The following MCM3AP variants were observed in gnomAD, a reference collection of about 807,000 sequenced individuals.
The protein encoded by MCM3AP is germinal-center associated nuclear protein.
MCM3AP carries 126 observed loss-of-function variants against 184.1 expected under a neutral mutation model. That is an observed-to-expected ratio of 0.68 (90% CI 0.59 to 0.79). The LOEUF is 0.79. Among genes scored for constraint, MCM3AP ranks in the 30% least tolerant of loss-of-function variants. The pLI is 0.00. For missense variants in MCM3AP, 2,496 were observed against 2,479.2 expected (o/e 1.01, Z -0.14); for synonymous variants, 1,002 against 979.3 (o/e 1.02, Z -0.43).
rs1375876768 is a variant in MCM3AP, at chr21:46,240,914, T to A, written c.5530A>T (p.Arg1844Trp). 1 of 1,614,142 alleles carries A rather than the reference T, an allele frequency of 6.2e-7. No homozygotes were observed. Among genetic ancestry groups the A allele is most frequent in the East Asian group, 2.2e-5 (1 of 44,892 alleles). Residue 1844 changes from arginine (R) to tryptophan (W), a missense_variant, in exon 26 of 28, where the codon AGG (arginine) becomes TGG (tryptophan). Transcript: ENST00000291688. ...ATCAGATCCTCTGTGCTGGGAATCCTCCCCTCTTGAGCACACTCTGTGCTC... is the reference window on the plus strand; with the variant it reads ...ATCAGATCCTCTGTGCTGGGAATCCACCCCTCTTGAGCACACTCTGTGCTC... ...KRSTECAQEGRIPSTEDLMRG... is the reference protein window; with the variant it reads ...KRSTECAQEGWIPSTEDLMRG...
chr21:46,244,501 G>A (rs2080730335), intron 23 of MCM3AP: 1 of 410,916 alleles, frequency 2.4e-6, no homozygotes, highest in Admixed American at 4.1e-5. Context: ...GGCAGGACAG[G>A]ATCAGGGTTG....
chr21:46,261,430 A>G lies in MCM3AP; in HGVS notation c.3336-19T>C. ...AGAAACACTAAACGGAGCAAAGGGG[A>G]TAGCATTCAAAATCAGAGTCAAGGC... On this transcript the variant is annotated intron_variant, in intron 13 of 27. Coordinates refer to ENST00000291688, the MANE Select transcript of MCM3AP (RefSeq NM_003906.5). 2 of 1,612,318 alleles carry G rather than the reference A, an allele frequency of 1.2e-6. No homozygotes were observed. The highest frequency in any genetic ancestry group is 1.7e-6 in the Non-Finnish European group (2 of 1,179,070).
Position 46,284,688 on chromosome 21 carries a change from C to A in MCM3AP, c.599G>T (p.Ser200Ile). The change falls in exon 1 of 28, where the codon AGT becomes ATT. Residue 200 changes from serine to isoleucine, a missense_variant. Transcript: ENST00000291688. ...APFSFPQVTS[S>I]SATTSNFTFS... ...GGTAAAATTTGAAGTGGTAGCTGAA[C>A]TACTTGTTACTTGAGGAAAAGAGAA... 6.2e-7 allele frequency: 1 copy of A among 1,614,080 alleles called. No individual in the cohort carries two copies. Among genetic ancestry groups the A allele is most frequent in the Non-Finnish European group, 8.5e-7 (1 of 1,179,986 alleles).
At chr21:46,264,373 A>C (rs1190267241) in intron 12 of MCM3AP, among the ~76,000 whole-genome samples, 156 bp from the exon 13 acceptor site, 1 of 152,166 alleles carries the variant, frequency 6.6e-6, no homozygotes, top group African/African-American at 2.4e-5. Flanking sequence ...GGTGTCCCCT[A>C]GCGAATGGAA....
In MCM3AP at chr21:46,266,170, C is replaced by T; in HGVS notation, c.2790-4G>A. ...AGACCGGTTCAGCTCCACACAGCTA[C>T]CCAGACCACAAAAGACCCCCGAGGG... On this transcript the variant is annotated splice_region_variant and splice_polypyrimidine_tract_variant and intron_variant, in intron 10 of 27. Transcript: ENST00000291688. 6.3e-7 allele frequency: 1 copy of T among 1,597,464 alleles called. No individual in the cohort carries two copies. The highest frequency in any genetic ancestry group is 8.5e-7 in the Non-Finnish European group (1 of 1,170,008).
At position 46,283,752 on chromosome 21, in the gene MCM3AP, C is replaced by T. The variant is rs923165554; in HGVS notation, c.1306G>A (p.Ala436Thr). ...LGGLSPSEVTAIQCKNIPDYL... is the reference protein window; with the variant it reads ...LGGLSPSEVTTIQCKNIPDYL... ...TCAGGGATGTTCTTGCACTGGATGG[C>T]TGTGACTTCAGAGGGAGACAAGCCC... The change falls in exon 2 of 28, where the codon GCC (alanine) becomes ACC (threonine). Residue 436 changes from alanine (A) to threonine (T), a missense_variant. Ala to Thr is a moderately conservative substitution (Grantham distance 58). Coordinates refer to ENST00000291688, the MANE Select transcript of MCM3AP (RefSeq NM_003906.5). The T allele has an allele frequency of 6.8e-6, 11 of 1,614,022 alleles. No individual in the cohort carries two copies. Among genetic ancestry groups the T allele is most frequent in the Non-Finnish European group, 9.3e-6 (11 of 1,180,000 alleles).
chr21:46,266,254 C>CT, intron 10 of MCM3AP, 88 bp from the exon 11 acceptor site: 1 of 1,421,624 alleles, frequency 7.0e-7, no homozygotes, highest in Non-Finnish European at 9.5e-7. Flanking sequence ...CTGCAAGCCC[C>CT]TTGGGTGTCA....
intron 17 of MCM3AP, among the ~76,000 whole-genome samples, chr21:46,256,083 G>GT (rs1447946576): frequency 6.6e-6 from 1 of 152,216 alleles, no homozygotes; most frequent in Non-Finnish European, 1.5e-5. Flanking sequence ...CCCCAGCGGT[G>GT]TGCCTGCTAG....
Position 46,284,325 on chromosome 21 carries a change from G to T in MCM3AP, c.962C>A (p.Pro321His), listed in dbSNP as rs770457373. The T allele has an allele frequency of 1.2e-6, 2 of 1,614,198 alleles. No individual in the cohort carries two copies. Among genetic ancestry groups the T allele is most frequent in the Non-Finnish European group, 1.7e-6 (2 of 1,180,038 alleles). Residue 321 changes from proline (P) to histidine (H), a missense_variant, in exon 1 of 28, where the codon CCT (proline) becomes CAT (histidine). By Grantham distance (77) the Pro-to-His change is moderately conservative (BLOSUM62 -2). Coordinates refer to ENST00000291688, the MANE Select transcript of MCM3AP (RefSeq NM_003906.5). ...DSDPLSRGDHPPDKRPVRLNR... is the reference protein window; with the variant it reads ...DSDPLSRGDHHPDKRPVRLNR... ...CAGGCGGACAGGTCGTTTGTCTGGA[G>T]GATGATCGCCCCGGGACAGAGGATC... is the stretch of plus-strand genomic sequence containing the variant.
chr21:46,246,554 A>G (rs1445654794), intron 21 of MCM3AP, 74 bp downstream of exon 21: 1 of 1,579,290 alleles, frequency 6.3e-7, no homozygotes, highest in Non-Finnish European at 8.7e-7. Flanking sequence ...ACACTACTGG[A>G]CCATCCTCAG....
At position 46,267,091 on chromosome 21, in the gene MCM3AP, G is replaced by A; in HGVS notation, c.2680C>T (p.Gln894Ter). 6.2e-7 allele frequency: 1 copy of A among 1,614,124 alleles called. No homozygotes were observed. The highest frequency in any genetic ancestry group is 1.6e-4 in the Middle Eastern group (1 of 6,062). ...ALNFAYTVST[Q>*]RSTIFPLDGV... The stretch of plus-strand genomic sequence containing the variant: ...TCCAGGGGAAAGATGGTAGATCGCT[G>A]TGTGCTCACCGTGTACGCAAAGTTG... Residue 894 changes from glutamine to a stop codon, truncating the protein, a stop_gained, in exon 10 of 28, where the codon CAG becomes TAG. Coordinates refer to ENST00000291688, the MANE Select transcript of MCM3AP (RefSeq NM_003906.5). LOFTEE classifies it high-confidence loss of function.
At position 46,251,678 on chromosome 21, in the gene MCM3AP, G is replaced by A. The variant is rs756138977; in HGVS notation, c.4141C>T (p.Leu1381=). 2 of 1,562,486 alleles carry A rather than the reference G, an allele frequency of 1.3e-6. No individual in the cohort carries two copies. The highest frequency in any genetic ancestry group is 1.4e-5 in the African/African-American group (1 of 73,218). ...EQSPESCGRI[L]ANWLKVKFMG... ...AACTTGACTTTTAACCAATTTGCTA[G>A]AATTCTACAGATTTAAAAAAAACAA... Residue 1381 remains leucine, a synonymous_variant, in exon 20 of 28, where the codon CTA becomes TTA. Transcript: ENST00000291688.
intron 9 of MCM3AP, chr21:46,267,455 T>A (rs1425606313): frequency 1.4e-5 from 4 of 291,384 alleles, no homozygotes; most frequent in African/African-American, 2.2e-5. Flanking sequence ...CTGTGCAGCA[T>A]CCACATGACA....
intron 5 of MCM3AP, among the ~76,000 whole-genome samples, chr21:46,277,219 C>T (rs537743421): frequency 5.8e-4 from 89 of 152,206 alleles, no homozygotes; most frequent in Non-Finnish European, 1.0e-3. Flanking sequence ...CTGTCCAAGA[C>T]GGAGCACTCC....
In MCM3AP at chr21:46,242,908, T is replaced by C; in HGVS notation, c.5320A>G (p.Ile1774Val). ...TSEALSEDGQICVYFFKNDLK... is the reference protein window; with the variant it reads ...TSEALSEDGQVCVYFFKNDLK... Reference sequence around the variant, plus strand: ...TCGTTTTTAAAAAAATACACACATATCTGACCATCTTCACTCAGCGCCTCT... The same window carrying C: ...TCGTTTTTAAAAAAATACACACATACCTGACCATCTTCACTCAGCGCCTCT... Residue 1774 changes from isoleucine (I) to valine (V), a missense_variant, in exon 25 of 28, where the codon ATA (isoleucine) becomes GTA (valine). Transcript: ENST00000291688. 1 of 1,610,778 alleles carries C rather than the reference T, an allele frequency of 6.2e-7. No individual in the cohort carries two copies. Among genetic ancestry groups the C allele is most frequent in the Non-Finnish European group, 8.5e-7 (1 of 1,179,208 alleles).
intron 9 of MCM3AP, chr21:46,267,738 T>A (rs117906089): frequency 0.044 from 6,620 of 150,278 alleles, 209 homozygotes; most frequent in Non-Finnish European, 0.067. Context: ...TAAAAAAAAA[T>A]TTGTTTTAAT....
In MCM3AP at chr21:46,237,918, G is replaced by A. The variant is rs958072512; in HGVS notation, c.5634-939C>T. On this transcript the variant is annotated intron_variant, in intron 26 of 27. Transcript: ENST00000291688. ...AGTTCAAGATCAGCCTGATCAACAT[G>A]GTGAAACCCCGTCTCTACTAAAAAT... Among the ~76,000 whole-genome samples the A allele has an allele frequency of 3.5e-5, 4 of 115,356 alleles. 1 individual carries two copies. Among genetic ancestry groups the A allele is most frequent in the African/African-American group, 1.4e-4 (4 of 28,384 alleles). 75.7% of individuals were successfully genotyped at this position (115,356 alleles called of 152,430 possible). A position where few individuals can be genotyped will look rare whatever the true frequency, so the allele number is the denominator to read the frequency against.
rs34589822 is a variant in MCM3AP, at chr21:46,243,482, C to T, written c.5279G>A (p.Arg1760Gln). ...CTAATTACCTGATGTAACAGGAAGC[C>T]GGGGGGGCGTCCAGTCTCTCAGCTT... The part of the protein sequence containing the change: ...NHKLRDWTPP[R>Q]LPVTSEALSE... Residue 1760 changes from arginine (R) to glutamine (Q), a missense_variant, in exon 24 of 28, where the codon CGG (arginine) becomes CAG (glutamine). By Grantham distance (43) the Arg-to-Gln change is conservative (BLOSUM62 1). Around this residue, in one of 5 missense-constraint regions of MCM3AP, gnomAD observed 1,323 missense variants for 1,273.4 expected, o/e 1.04. Coordinates refer to ENST00000291688, the MANE Select transcript of MCM3AP (RefSeq NM_003906.5). The T allele has an allele frequency of 5.2e-4, 840 of 1,610,492 alleles. 5 individuals carry two copies. The African/African-American group carries it at 0.01, about 20-fold the overall frequency.
chr21:46,262,309 C>G (rs188984949), intron 13 of MCM3AP, among the ~76,000 whole-genome samples: 27 of 152,284 alleles, frequency 1.8e-4, no homozygotes, highest in Admixed American at 8.5e-4. Flanking sequence ...TTTTATGAGG[C>G]TAGCATTGCT....
Sources: gnomAD v4.1 joint callset for allele counts (sites outside exome capture counted in the v4.1 genomes callset) on GRCh38, gnomAD v4.1.1 for gene constraint, gnomAD v4.1.1 regional missense constraint, MANE v1.5 for transcripts, NCBI Gene and HGNC (gene_info 2026-07-23, HGNC 2026-07-21) for gene names.